RAB3IL1: variants seen among roughly 807,000 people sequenced by gnomAD.
The protein encoded by RAB3IL1 is guanine nucleotide exchange factor for Rab-3A.
Under a neutral mutation model 49.2 loss-of-function variants are expected in RAB3IL1, and 37 were observed. The ratio of observed to expected loss-of-function variants is 0.75; its 90% CI spans 0.58 to 0.99. RAB3IL1 has a LOEUF of 0.99. Among genes scored for constraint, RAB3IL1 ranks in the 50% least tolerant of loss-of-function variants. The pLI, the probability that RAB3IL1 is intolerant of heterozygous loss-of-function variation, is 0.00. For synonymous variants in RAB3IL1, 193 were observed against 213.9 expected, an observed-to-expected ratio of 0.90 and a Z score of 0.85; for missense variants, 484 against 513.0, an observed-to-expected ratio of 0.94 and a Z score of 0.55.
intron 7 of RAB3IL1, 32 bp downstream of exon 7, chr11:61,904,514 T>C (rs373877796): frequency 4.0e-5 from 63 of 1,564,962 alleles, no homozygotes; most frequent in Admixed American, 7.2e-5. Flanking sequence ...CTTTCCCACA[T>C]GGGCAGGAAG....
At chr11:61,946,283 CCTT>C in the RAB3IL1 span, among the ~76,000 whole-genome samples, 2 of 152,194 alleles carry the variant, frequency 1.3e-5, no homozygotes, top group Non-Finnish European at 2.9e-5. Context: ...AGCTGGGTCT[CCTT>C]CTTCCTGCCC....
chr11:61,922,532 A>C (rs919591403), upstream of RAB3IL1, among the ~76,000 whole-genome samples: 1 of 152,096 alleles, frequency 6.6e-6, no homozygotes, highest in African/African-American at 2.4e-5. Flanking sequence ...TGGAAAAAAA[A>C]AAAAGAAGAA....
At position 61,897,781 on chromosome 11, in the gene RAB3IL1, A is replaced by C. The variant is rs574131230; in HGVS notation, c.*497T>G. Reference sequence around the variant, plus strand: ...AGCCCCTCCTAGTAGTCCAATAGGGAGGCCACCGGGAACAAGGCACAGGAT... The same window carrying C: ...AGCCCCTCCTAGTAGTCCAATAGGGCGGCCACCGGGAACAAGGCACAGGAT... On this transcript the variant is annotated 3_prime_UTR_variant, in exon 10 of 10. Coordinates refer to ENST00000394836, the MANE Select transcript of RAB3IL1 (RefSeq NM_013401.4). The C allele has an allele frequency of 6.3e-6, 1 of 158,688 alleles. No individual in the cohort carries two copies. Among genetic ancestry groups the C allele is most frequent in the East Asian group, 1.9e-4 (1 of 5,302 alleles). The allele number at this position is 158,688 out of a possible 1,614,324, so 9.8% of individuals were successfully genotyped here.
chr11:61,918,705 G>T (rs1371551210), upstream of RAB3IL1, among the ~76,000 whole-genome samples: 1 of 152,196 alleles, frequency 6.6e-6, no homozygotes, highest in East Asian at 1.9e-4. Flanking sequence ...CTCTTTCCCC[G>T]CTGGGCACAG....
the RAB3IL1 span, among the ~76,000 whole-genome samples, chr11:61,938,872 GC>G: frequency 6.6e-6 from 1 of 151,940 alleles, no homozygotes; most frequent in African/African-American, 2.4e-5. Context: ...GTTGCGGTGA[GC>G]CAAGATTGTG....
upstream of RAB3IL1, among the ~76,000 whole-genome samples, chr11:61,924,329 T>C (rs180836098): frequency 1.7e-4 from 26 of 152,176 alleles, no homozygotes; most frequent in Admixed American, 5.9e-4. Context: ...TCTTTGCTTC[T>C]TCCCCAAAAG....
At chr11:61,920,652 G>A (rs750759686), upstream of RAB3IL1, among the ~76,000 whole-genome samples, 3 of 152,228 alleles carry the variant, frequency 2.0e-5, no homozygotes, top group East Asian at 3.9e-4. Context: ...GGTGGGGCGC[G>A]GAGGCTCACG....
rs532517510 is a variant in RAB3IL1 at position 61,916,218 on chromosome 11, TGCCTGTAGTCGCA to T, written c.11+1126_11+1138del. Among the ~76,000 whole-genome samples the T allele has an allele frequency of 3.9e-3, 595 of 151,806 alleles. 2 individuals are homozygous for T. Among genetic ancestry groups the T allele is most frequent in the Non-Finnish European group, 6.4e-3 (437 of 67,910 alleles). ...AAAATTAGCCGGGTGTGGTGGTGTG[TGCCTGTAGTCGCA>T]GCTACTCAGGAGGCTGAGTCAGGCG... On this transcript the variant is annotated intron_variant, in intron 1 of 9. Coordinates refer to ENST00000394836, the MANE Select transcript of RAB3IL1 (RefSeq NM_013401.4).
chr11:61,902,554 A>C lies in RAB3IL1; in HGVS notation c.900-13T>G. 1 of 1,588,458 alleles carries C rather than the reference A, an allele frequency of 6.3e-7. No homozygotes were observed. The highest frequency in any genetic ancestry group is 1.2e-5 in the South Asian group (1 of 86,660). Reference sequence around the variant, plus strand: ...CAGGGCACATGTGCTAGGGGAAAGCAAAATGGGTCACGGGGGCTGGCTGGG... The same window carrying C: ...CAGGGCACATGTGCTAGGGGAAAGCCAAATGGGTCACGGGGGCTGGCTGGG... On this transcript the variant is annotated splice_polypyrimidine_tract_variant and intron_variant, in intron 7 of 9. Transcript: ENST00000394836.
At chr11:61,932,700 G>A in the RAB3IL1 span, among the ~76,000 whole-genome samples, 1 of 151,210 alleles carries the variant, frequency 6.6e-6, no homozygotes, top group Non-Finnish European at 1.5e-5. Context: ...TAGTGATAAA[G>A]TCTTCTAGAA....
In RAB3IL1 at chr11:61,898,375, AG is replaced by A; in HGVS notation, c.1067-16del. 6.2e-7 allele frequency: 1 copy of A among 1,611,434 alleles called. No homozygotes were observed. The highest frequency in any genetic ancestry group is 1.3e-5 in the African/African-American group (1 of 75,012). On this transcript the variant is annotated splice_polypyrimidine_tract_variant and intron_variant, in intron 9 of 9. Transcript: ENST00000394836. This position sits in a 1 kb window ranked among gnomAD's most constrained non-coding sequence, Gnocchi z 5.1. ...CATGGGCTCTGCTGCAGGCAGAGAG[AG>A]GGTGAACAGGTCGGGGACAGCTCAG...
At chr11:61,928,779 G>C in the RAB3IL1 span, among the ~76,000 whole-genome samples, 1 of 152,206 alleles carries the variant, frequency 6.6e-6, no homozygotes, top group Non-Finnish European at 1.5e-5. Context: ...TCCAAATTTA[G>C]ATATGAAGGA....
intron 1 of RAB3IL1, among the ~76,000 whole-genome samples, chr11:61,911,188 A>G (rs1387012256): frequency 2.0e-5 from 3 of 152,220 alleles, no homozygotes; most frequent in Non-Finnish European, 2.9e-5. Flanking sequence ...AGAGTCTGTG[A>G]CATCCTTCCC....
chr11:61,906,807 C>G lies in RAB3IL1; in HGVS notation c.439-123G>C. On this transcript the variant is annotated intron_variant, in intron 4 of 9. Transcript: ENST00000394836. This position sits in a 1 kb window ranked among gnomAD's most constrained non-coding sequence, Gnocchi z 4.6. ...GTGACAGGCACTTAGTCCCACCCGA[C>G]GCCCTCAGAACAGCCTTCGAGGCAG... The G allele has an allele frequency of 1.1e-6, 1 of 924,064 alleles. No individual in the cohort carries two copies. The allele number at this position is 924,064 out of a possible 1,614,324, so 57.2% of individuals were successfully genotyped here.
At chr11:61,905,836 G>A (rs1255320837) in intron 5 of RAB3IL1, among the ~76,000 whole-genome samples, 1 of 152,150 alleles carries the variant, frequency 6.6e-6, no homozygotes, top group African/African-American at 2.4e-5. Flanking sequence ...AGCAGCCCCG[G>A]GAGGCCCCAT....
At chr11:61,925,684 G>A in the RAB3IL1 span, among the ~76,000 whole-genome samples, 2 of 151,900 alleles carry the variant, frequency 1.3e-5, no homozygotes, top group African/African-American at 2.4e-5. Context: ...CCCTGCAGAG[G>A]GACCAACAGG....
chr11:61,921,098 A>G (rs763647412), upstream of RAB3IL1, among the ~76,000 whole-genome samples: 1 of 152,046 alleles, frequency 6.6e-6, no homozygotes. Flanking sequence ...TGCCCAGCTC[A>G]AGCCATCCTC....
upstream of RAB3IL1, among the ~76,000 whole-genome samples, chr11:61,922,551 C>T (rs1939931836): frequency 6.6e-6 from 1 of 152,046 alleles, no homozygotes; most frequent in African/African-American, 2.4e-5. Flanking sequence ...AAGAAGATAA[C>T]ATTTGTGAAG....
At chr11:61,927,590 T>C in the RAB3IL1 span, among the ~76,000 whole-genome samples, 1 of 152,264 alleles carries the variant, frequency 6.6e-6, no homozygotes, top group African/African-American at 2.4e-5. Context: ...GGGCTTTGTA[T>C]GTGGTATGGT....
Sources: gnomAD v4.1 joint callset for allele counts (sites outside exome capture counted in the v4.1 genomes callset) on GRCh38, gnomAD v4.1.1 for gene constraint, Gnocchi (gnomAD v3.1) non-coding constraint, MANE v1.5 for transcripts, NCBI Gene and HGNC (gene_info 2026-07-23, HGNC 2026-07-21) for gene names.